Variants in FBXO40 observed in about 807,000 individuals in gnomAD.
FBXO40 encodes the protein F-box protein 40.
Under a neutral mutation model 49.9 loss-of-function variants are expected in FBXO40, and 50 were observed. That is an observed-to-expected ratio of 1.00 (90% CI 0.80 to 1.27). The LOEUF (loss-of-function observed/expected upper bound fraction) is 1.27. FBXO40 is among the 50% of genes most tolerant of loss of function. The pLI is 0.00. For missense variants in FBXO40, 895 were observed against 870.1 expected, an observed-to-expected ratio of 1.03 and a Z score of -0.36; for synonymous variants, 340 against 320.2, an observed-to-expected ratio of 1.06 and a Z score of -0.66.
rs1310697691 is a variant in FBXO40 at position 121,629,922 on chromosome 3, T to G, written c.*3012T>G. The G allele has an allele frequency of 6.6e-6, 1 of 152,178 alleles. No individual in the cohort carries two copies. The highest frequency in any genetic ancestry group is 6.5e-5 in the Admixed American group (1 of 15,286). 9.4% of individuals were successfully genotyped at this position (152,178 alleles called of 1,614,324 possible). A position where few individuals can be genotyped will look rare whatever the true frequency, so the allele number is the denominator to read the frequency against. Reference sequence around the variant, plus strand: ...AGCTGAGGGGAGCAAAGACGGACTGTGTACACAGGGAGGGAGGATGTCTAT... The same window carrying G: ...AGCTGAGGGGAGCAAAGACGGACTGGGTACACAGGGAGGGAGGATGTCTAT... On this transcript the variant is annotated 3_prime_UTR_variant, in exon 4 of 4. Coordinates refer to ENST00000338040, the MANE Select transcript of FBXO40 (RefSeq NM_016298.4).
intron 1 of FBXO40, among the ~76,000 whole-genome samples, chr3:121,595,305 C>T (rs1172651481): frequency 6.6e-6 from 1 of 152,078 alleles, no homozygotes; most frequent in African/African-American, 2.4e-5. Context: ...TCCACAGCAC[C>T]AAGGTCTCCA....
intron 1 of FBXO40, among the ~76,000 whole-genome samples, chr3:121,608,768 T>C (rs549012927): frequency 4.9e-4 from 75 of 152,298 alleles, no homozygotes; most frequent in Admixed American, 1.1e-3. Context: ...ATCCAGGCCA[T>C]GCAGAAGCCA....
intron 1 of FBXO40, among the ~76,000 whole-genome samples, chr3:121,602,095 C>T (rs1222403544): frequency 6.6e-6 from 1 of 152,198 alleles, no homozygotes; most frequent in Non-Finnish European, 1.5e-5. Context: ...CATTTGAGGC[C>T]GTAGCTCACT....
Position 121,628,430 on chromosome 3 carries a change from GGGTTTACA to G in FBXO40, c.*1524_*1531del, listed in dbSNP as rs1195550351. ...GCCCGCCTTGGCCTTCCAAAGTGCT[GGGTTTACA>G]GGTGTGAGCCACTGCGCCCTGCCTG... On this transcript the variant is annotated 3_prime_UTR_variant, in exon 4 of 4. Coordinates refer to ENST00000338040, the MANE Select transcript of FBXO40 (RefSeq NM_016298.4). 1 of 152,204 alleles carries G rather than the reference GGGTTTACA, an allele frequency of 6.6e-6. No individual in the cohort carries two copies. Among genetic ancestry groups the G allele is most frequent in the East Asian group, 1.9e-4 (1 of 5,192 alleles). The allele number at this position is 152,204 out of a possible 1,614,324, so 9.4% of individuals were successfully genotyped here.
chr3:121,623,357 CATTT>C lies in FBXO40; in HGVS notation c.1914+18_1914+21del, dbSNP rs1366989432. On this transcript the variant is annotated intron_variant, in intron 3 of 3. Transcript: ENST00000338040. The stretch of plus-strand genomic sequence containing the variant: ...GTCCACAGAGAGGTAAGTAAACACT[CATTT>C]ATTGATTGACTCATTCAGCAATTTT... The C allele has an allele frequency of 6.3e-7, 1 of 1,588,656 alleles. No individual in the cohort carries two copies. The highest frequency in any genetic ancestry group is 1.1e-5 in the South Asian group (1 of 89,538).
At chr3:121,604,589 G>T (rs1301228564) in intron 1 of FBXO40, among the ~76,000 whole-genome samples, 1 of 152,096 alleles carries the variant, frequency 6.6e-6, no homozygotes, top group Non-Finnish European at 1.5e-5. Context: ...TTAATTTGTT[G>T]ATGCATATCT....
Position 121,628,064 on chromosome 3 carries a change from T to C in FBXO40, c.*1154T>C. 2.5e-6 allele frequency: 1 copy of C among 397,708 alleles called. No individual in the cohort carries two copies. The highest frequency in any genetic ancestry group is 2.1e-5 in the African/African-American group (1 of 48,748). The allele number at this position is 397,708 out of a possible 1,614,324, so 24.6% of individuals were successfully genotyped here. ...TGTTTTTGGTAACAAACAGTGAATATTCATAAGAACAAAAGTAAAAGAAAA... is the reference window on the plus strand; with the variant it reads ...TGTTTTTGGTAACAAACAGTGAATACTCATAAGAACAAAAGTAAAAGAAAA... On this transcript the variant is annotated 3_prime_UTR_variant, in exon 4 of 4. Coordinates refer to ENST00000338040, the MANE Select transcript of FBXO40 (RefSeq NM_016298.4).
chr3:121,627,431 G>A lies in FBXO40; in HGVS notation c.*521G>A, dbSNP rs942530639. The A allele has an allele frequency of 1.2e-5, 2 of 169,926 alleles. No individual in the cohort carries two copies. The highest frequency in any genetic ancestry group is 1.7e-4 in the East Asian group (1 of 5,988). The allele number at this position is 169,926 out of a possible 1,614,324, so 10.5% of individuals were successfully genotyped here. ...ACGGTCAAGTCCAGGGCTCATTTTG[G>A]TTATTCTACTGCCTCTAGGCCAGGG... is the stretch of plus-strand genomic sequence containing the variant. On this transcript the variant is annotated 3_prime_UTR_variant, in exon 4 of 4. Transcript: ENST00000338040.
At position 121,608,070 on chromosome 3, in the gene FBXO40, T is replaced by G. The variant is rs538890430; in HGVS notation, c.-30-12476T>G. Reference sequence around the variant, plus strand: ...TGGAGTACACTGGCTCGGCTATGTCTGGGGCTGTGGGCACTAGGATGCCCA... The same window carrying G: ...TGGAGTACACTGGCTCGGCTATGTCGGGGGCTGTGGGCACTAGGATGCCCA... On this transcript the variant is annotated intron_variant, in intron 1 of 3. Transcript: ENST00000338040. 7.0e-4 allele frequency among the ~76,000 whole-genome samples: 107 copies of G among 152,338 alleles called. 1 individual carries two copies. Among genetic ancestry groups the G allele is most frequent in the African/African-American group, 2.4e-3 (100 of 41,590 alleles).
intron 1 of FBXO40, among the ~76,000 whole-genome samples, chr3:121,603,486 C>T (rs971368513): frequency 2.6e-5 from 4 of 152,206 alleles, no homozygotes; most frequent in African/African-American, 9.7e-5. Flanking sequence ...TGCTCTTTAA[C>T]ATTATCTTTA....
intron 3 of FBXO40, 109 bp downstream of exon 3, chr3:121,623,452 C>G (rs1290272454): frequency 1.2e-6 from 1 of 868,748 alleles, no homozygotes; most frequent in East Asian, 2.6e-5. Flanking sequence ...GGTGCAATCA[C>G]AGCCTTGAAC....
At chr3:121,623,804 T>C (rs2049047552) in intron 3 of FBXO40, among the ~76,000 whole-genome samples, 1 of 149,810 alleles carries the variant, frequency 6.7e-6, no homozygotes, top group African/African-American at 2.5e-5. Flanking sequence ...TTCTCCTGCC[T>C]CAGCCTCCCA....
chr3:121,614,479 G>A (rs776588069), intron 1 of FBXO40, among the ~76,000 whole-genome samples: 2 of 151,884 alleles, frequency 1.3e-5, no homozygotes, highest in Non-Finnish European at 2.9e-5. Context: ...AACTGTTTGG[G>A]CCATCCTTCC....
At chr3:121,614,032 G>T (rs987892602) in intron 1 of FBXO40, among the ~76,000 whole-genome samples, 2 of 152,138 alleles carry the variant, frequency 1.3e-5, no homozygotes, top group Non-Finnish European at 2.9e-5. Context: ...ACTTTGGGAG[G>T]CCGAGGTGGG....
chr3:121,622,487 C>G lies in FBXO40; in HGVS notation c.1058C>G (p.Pro353Arg). The G allele has an allele frequency of 1.2e-6, 2 of 1,614,216 alleles. No individual in the cohort carries two copies. The highest frequency in any genetic ancestry group is 1.3e-5 in the African/African-American group (1 of 75,056). Residue 353 changes from proline to arginine, a missense_variant, in exon 3 of 4, where the codon CCT (proline) becomes CGT (arginine). Transcript: ENST00000338040. ...AAGACTGTTTACACCTTCAAAGTTCCTGTGAGCTACTGTGGAAAGCGAGCT... is the reference window on the plus strand; with the variant it reads ...AAGACTGTTTACACCTTCAAAGTTCGTGTGAGCTACTGTGGAAAGCGAGCT... The part of the protein sequence containing the change: ...EVKTVYTFKV[P>R]VSYCGKRARL...
intron 3 of FBXO40, among the ~76,000 whole-genome samples, chr3:121,625,590 C>T (rs188947250): frequency 1.6e-4 from 25 of 152,276 alleles, no homozygotes; most frequent in Admixed American, 2.0e-4. Flanking sequence ...CTTCAGGAAT[C>T]GTATTGTTTA....
rs1044210218 is a variant in FBXO40, at chr3:121,612,556, T to C, written c.-30-7990T>C. Among the ~76,000 whole-genome samples the C allele has an allele frequency of 4.6e-5, 7 of 152,074 alleles. No individual in the cohort carries two copies. The East Asian group carries it at 1.3e-3, about 29-fold the overall frequency. ...ATAAGTGGTCATGAATTATGTCTAG[T>C]CCTTCATTTTTCTCTCCTTCTATCA... On this transcript the variant is annotated intron_variant, in intron 1 of 3. Coordinates refer to ENST00000338040, the MANE Select transcript of FBXO40 (RefSeq NM_016298.4).
At chr3:121,613,012 G>A (rs1230314131) in intron 1 of FBXO40, among the ~76,000 whole-genome samples, 1 of 150,694 alleles carries the variant, frequency 6.6e-6, no homozygotes, top group Non-Finnish European at 1.5e-5. Flanking sequence ...GGAGCTTTCA[G>A]TGAGCCGAGA....
chr3:121,604,936 T>G (rs1459661536), intron 1 of FBXO40, among the ~76,000 whole-genome samples: 25 of 7,148 alleles, frequency 3.5e-3, no homozygotes, highest in Admixed American at 0.011. Flanking sequence ...TTGGCTGGCT[T>G]TATTTATTTA....
Sources: allele counts gnomAD v4.1 joint callset (sites outside exome capture counted in the v4.1 genomes callset), GRCh38; gene constraint gnomAD v4.1.1; transcripts MANE v1.5; gene names NCBI Gene and HGNC (gene_info 2026-07-23, HGNC 2026-07-21).